Variants in ZNF428 observed in about 807,000 individuals in gnomAD.
The protein encoded by ZNF428 is zinc finger protein 428.
In ZNF428, 5 loss-of-function variants were observed where a neutral mutation model predicts 15.6. The observed-to-expected ratio is 0.32, with a 90% confidence interval of 0.17 to 0.67. ZNF428 has a LOEUF of 0.67. Ranked by LOEUF, ZNF428 falls within the 30% of genes least tolerant of loss-of-function variation. The probability of loss-of-function intolerance (pLI) is 0.73; values close to 1 mark genes in which losing one functional copy is unlikely to be tolerated. For missense variants in ZNF428, 237 were observed against 256.0 expected (o/e 0.93, Z 0.51); for synonymous variants, 97 against 102.2 (o/e 0.95, Z 0.31).
chr19:43,609,881 T>G (rs1973277895), intron 2 of ZNF428, among the ~76,000 whole-genome samples: 1 of 152,022 alleles, frequency 6.6e-6, no homozygotes, highest in Admixed American at 6.6e-5. Flanking sequence ...AGTACCAGCT[T>G]CTTCGGCCTT....
intron 2 of ZNF428, among the ~76,000 whole-genome samples, chr19:43,609,899 G>A (rs1393187559): frequency 6.6e-6 from 1 of 152,048 alleles, no homozygotes; most frequent in East Asian, 1.9e-4. Context: ...CTTGGTGGTA[G>A]GAGCCTGCCA....
intron 1 of ZNF428, 108 bp from the exon 2 acceptor site, chr19:43,614,542 AC>A: frequency 9.8e-7 from 1 of 1,020,028 alleles, no homozygotes. Context: ...GGCACAGAGG[AC>A]CCCAGCTCTG....
Position 43,612,538 on chromosome 19 carries a change from C to A in ZNF428, c.76+1691G>T, listed in dbSNP as rs1239116028. The A allele has an allele frequency of 6.4e-7, 1 of 1,551,440 alleles. No homozygotes were observed. The highest frequency in any genetic ancestry group is 8.7e-7 in the Non-Finnish European group (1 of 1,146,970). ...GCTCCAAGAGGTCACCCAGCAGGGC[C>A]AGCACTCCTGGCAGGATAAGAACTC... On this transcript the variant is annotated intron_variant, in intron 2 of 2. Transcript: ENST00000300811. The surrounding 1 kb of genome is among the most constrained non-coding windows in gnomAD (Gnocchi z 4.2).
At chr19:43,610,801 G>A (rs746763171) in intron 2 of ZNF428, among the ~76,000 whole-genome samples, 120 of 152,110 alleles carry the variant, frequency 7.9e-4, no homozygotes, top group African/African-American at 2.6e-3. Flanking sequence ...TGGTGAGGCC[G>A]TCCCAGACCT....
intron 1 of ZNF428, among the ~76,000 whole-genome samples, chr19:43,618,279 C>A (rs1973393391): frequency 7.3e-6 from 1 of 137,328 alleles, no homozygotes; most frequent in African/African-American, 2.6e-5. Context: ...GTGATCCACC[C>A]GCCTCGGCCT....
chr19:43,614,841 A>ACT (rs1973355888), intron 1 of ZNF428, among the ~76,000 whole-genome samples: 1 of 152,118 alleles, frequency 6.6e-6, no homozygotes, highest in Non-Finnish European at 1.5e-5. Flanking sequence ...CAGGTGATCC[A>ACT]CATGCCTCAA....
rs1007413526 is a variant in ZNF428, at chr19:43,612,470, A to G, written c.76+1759T>C. The G allele has an allele frequency of 8.4e-6, 13 of 1,545,724 alleles. No homozygotes were observed. The African/African-American group carries it at 1.6e-4, about 20-fold the overall frequency. ...CGTGAGATGCCACCAGCGGAGGGGC[A>G]CACACAGCCGGGGTAGGACACCTGG... On this transcript the variant is annotated intron_variant, in intron 2 of 2. Coordinates refer to ENST00000300811, the MANE Select transcript of ZNF428 (RefSeq NM_182498.4). The surrounding 1 kb of genome is among the most constrained non-coding windows in gnomAD (Gnocchi z 4.2).
chr19:43,611,189 ACTC>A (rs1342643229), intron 2 of ZNF428, among the ~76,000 whole-genome samples: 1 of 151,848 alleles, frequency 6.6e-6, no homozygotes, highest in African/African-American at 2.4e-5. Context: ...CTGACTGGGA[ACTC>A]CTCAAGGGCA....
intron 1 of ZNF428, among the ~76,000 whole-genome samples, chr19:43,616,177 T>C (rs562741716): frequency 6.6e-6 from 1 of 152,286 alleles, no homozygotes; most frequent in Non-Finnish European, 1.5e-5. Flanking sequence ...TATATTTATA[T>C]ATATAATACC....
At chr19:43,609,394 C>T (rs304722) in intron 2 of ZNF428, among the ~76,000 whole-genome samples, 106,569 of 150,702 alleles carry the variant, frequency 0.71, 38,008 homozygotes, top group East Asian at 0.78. Context: ...TGAATTAAAA[C>T]ATTTATTTAT....
chr19:43,608,788 T>G (rs1232534752), intron 2 of ZNF428, among the ~76,000 whole-genome samples: 2 of 149,434 alleles, frequency 1.3e-5, no homozygotes, highest in Non-Finnish European at 3.0e-5. Flanking sequence ...ATTAGCTGGG[T>G]GTGGTGGCGG....
At chr19:43,616,814 T>C (rs1057382179) in intron 1 of ZNF428, among the ~76,000 whole-genome samples, 14 of 145,392 alleles carry the variant, frequency 9.6e-5, no homozygotes, top group Non-Finnish European at 2.0e-4. Flanking sequence ...TCCTCCTCCT[T>C]TTTTTTTTTT....
chr19:43,610,466 CT>C (rs976575528), intron 2 of ZNF428, among the ~76,000 whole-genome samples: 2 of 151,976 alleles, frequency 1.3e-5, no homozygotes, highest in Non-Finnish European at 2.9e-5. Context: ...TCCCAAAGTG[CT>C]GGGATTATAG....
intron 2 of ZNF428, among the ~76,000 whole-genome samples, chr19:43,610,154 C>T (rs1362270167): frequency 6.6e-6 from 1 of 151,782 alleles, no homozygotes; most frequent in Non-Finnish European, 1.5e-5. Context: ...CTCAGTGACG[C>T]CCTGGCCACT....
chr19:43,614,508 A>G, intron 1 of ZNF428, 74 bp from the exon 2 acceptor site: 4 of 1,353,326 alleles, frequency 3.0e-6, no homozygotes, highest in Non-Finnish European at 3.9e-6. Context: ...ACCAAGCCCA[A>G]CTGTGTGCTC....
rs993239737 is a variant in ZNF428 at position 43,613,117 on chromosome 19, T to C, written c.76+1112A>G. On this transcript the variant is annotated intron_variant, in intron 2 of 2. Transcript: ENST00000300811. ...GCCAGATGGGAAGACACAGCCAGTC[T>C]AGAAGCCACAGCAAGGGGAAAAGTC... 3.2e-6 allele frequency: 5 copies of C among 1,551,434 alleles called. No homozygotes were observed. In the African/African-American group the frequency reaches 4.1e-5, roughly 13 times the overall value.
chr19:43,613,556 C>A, intron 2 of ZNF428: 1 of 1,551,480 alleles, frequency 6.4e-7, no homozygotes, highest in Non-Finnish European at 8.7e-7. Context: ...ATCTAGAAGC[C>A]CCAGCAAGGA....
intron 1 of ZNF428, among the ~76,000 whole-genome samples, chr19:43,618,313 G>A (rs994868563): frequency 4.0e-5 from 6 of 151,848 alleles, no homozygotes; most frequent in Non-Finnish European, 7.4e-5. Context: ...GATTACAGGC[G>A]TGAGCCACCG....
At position 43,612,340 on chromosome 19, in the gene ZNF428, C is replaced by T. The variant is rs1368535971; in HGVS notation, c.76+1889G>A. 1.9e-6 allele frequency: 3 copies of T among 1,551,626 alleles called. No individual in the cohort carries two copies. The Admixed American group carries it at 5.9e-5, about 30-fold the overall frequency. On this transcript the variant is annotated intron_variant, in intron 2 of 2. Transcript: ENST00000300811. This position sits in a 1 kb window ranked among gnomAD's most constrained non-coding sequence, Gnocchi z 4.2. ...CCAAATCGACCAGTACAAAAAGAGCCCCTTCTAACCGGCCCAGCAGCAGGT... is the reference window on the plus strand; with the variant it reads ...CCAAATCGACCAGTACAAAAAGAGCTCCTTCTAACCGGCCCAGCAGCAGGT...
Sources: gnomAD v4.1 joint callset for allele counts (sites outside exome capture counted in the v4.1 genomes callset) on GRCh38, gnomAD v4.1.1 for gene constraint, Gnocchi (gnomAD v3.1) non-coding constraint, MANE v1.5 for transcripts, NCBI Gene and HGNC (gene_info 2026-07-23, HGNC 2026-07-21) for gene names.